The following FTL variants were observed in gnomAD, a reference collection of about 807,000 sequenced individuals.
FTL encodes the protein epididymis secretory sperm binding protein.
A neutral mutation model predicts 16.6 loss-of-function variants in FTL; 17 were observed. That is an observed-to-expected ratio of 1.02 (90% CI 0.70 to 1.53). FTL has a LOEUF of 1.53. Among genes scored for constraint, FTL ranks in the 40% most tolerant of loss-of-function variants. The pLI is 0.00. For synonymous variants in FTL, 73 were observed against 89.9 expected (o/e 0.81, Z 1.06); for missense variants, 186 against 226.1 (o/e 0.82, Z 1.14).
chr19:48,965,395 G>A lies in FTL; in HGVS notation c.-113G>A, dbSNP rs544440153. On this transcript the variant is annotated 5_prime_UTR_variant, in exon 1 of 4. Coordinates refer to ENST00000331825, the MANE Select transcript of FTL (RefSeq NM_000146.4). ...GGGGACTCTCTTCCAGCCTCCGACCGCCCTCCGATTTCCTCTCCGCTTGCA... is the reference window on the plus strand; with the variant it reads ...GGGGACTCTCTTCCAGCCTCCGACCACCCTCCGATTTCCTCTCCGCTTGCA... 5.2e-6 allele frequency: 4 copies of A among 764,788 alleles called. No homozygotes were observed. The highest frequency in any genetic ancestry group is 7.0e-6 in the Non-Finnish European group (3 of 428,894). The allele number at this position is 764,788 out of a possible 1,614,324, so 47.4% of individuals were successfully genotyped here.
At position 48,966,810 on chromosome 19, in the gene FTL, A is replaced by G; in HGVS notation, c.*75A>G. The G allele has an allele frequency of 6.7e-7, 1 of 1,484,710 alleles. No individual in the cohort carries two copies. Among genetic ancestry groups the G allele is most frequent in the Non-Finnish European group, 9.4e-7 (1 of 1,067,442 alleles). 92.0% of individuals were successfully genotyped at this position (1,484,710 alleles called of 1,614,324 possible). On this transcript the variant is annotated 3_prime_UTR_variant, in exon 4 of 4. Transcript: ENST00000331825. ...GGCTTCTGCCTAAGCCTCTCCCTCC[A>G]GCCAATAGGCAGCTTTCTTAACTAT...
Position 48,966,875 on chromosome 19 carries a change from A to G in FTL, c.*140A>G. The G allele has an allele frequency of 1.1e-6, 1 of 901,500 alleles. No individual in the cohort carries two copies. Among genetic ancestry groups the G allele is most frequent in the South Asian group, 1.4e-5 (1 of 71,636 alleles). 55.8% of individuals were successfully genotyped at this position (901,500 alleles called of 1,614,324 possible). A position where few individuals can be genotyped will look rare whatever the true frequency, so the allele number is the denominator to read the frequency against. On this transcript the variant is annotated 3_prime_UTR_variant, in exon 4 of 4. Transcript: ENST00000331825. Reference sequence around the variant, plus strand: ...GACCAAATGGAAATAAAGCTTTTTGATGCAGCTGGTGGTTTTGTGTGTGGT... The same window carrying G: ...GACCAAATGGAAATAAAGCTTTTTGGTGCAGCTGGTGGTTTTGTGTGTGGT...
Position 48,965,933 on chromosome 19 carries a change from T to C in FTL, c.249+17T>C. On this transcript the variant is annotated intron_variant, in intron 2 of 3. Transcript: ENST00000331825. ...GACATCAAGGTAACTAGTGTGTGGG[T>C]AATGGACTACATCTCCCAGCAGGCC... The C allele has an allele frequency of 3.7e-6, 6 of 1,613,636 alleles. No individual in the cohort carries two copies. The highest frequency in any genetic ancestry group is 5.1e-6 in the Non-Finnish European group (6 of 1,179,768).
rs371965152 is a variant in FTL at position 48,965,866 on chromosome 19, C to T, written c.199C>T (p.Leu67=). Residue 67 remains leucine (L), a synonymous_variant, in exon 2 of 4, where the codon CTG becomes TTG. Transcript: ENST00000331825. The part of the protein sequence containing the change: ...EEKREGYERL[L]KMQNQRGGRA... ...GAAGCGCGAGGGCTACGAGCGTCTCCTGAAGATGCAAAACCAGCGTGGCGG... is the reference window on the plus strand; with the variant it reads ...GAAGCGCGAGGGCTACGAGCGTCTCTTGAAGATGCAAAACCAGCGTGGCGG... 5.6e-6 allele frequency: 9 copies of T among 1,614,080 alleles called. No homozygotes were observed. The highest frequency in any genetic ancestry group is 2.7e-5 in the African/African-American group (2 of 74,930).
At chr19:48,966,163 C>G in intron 2 of FTL, 118 bp from the exon 3 acceptor site, 1 of 1,452,874 alleles carries the variant, frequency 6.9e-7, no homozygotes, top group East Asian at 2.3e-5. Flanking sequence ...GTGATAAATA[C>G]AAGCTGTCAC....
chr19:48,965,991 G>T, intron 2 of FTL, 75 bp downstream of exon 2: 1 of 1,552,398 alleles, frequency 6.4e-7, no homozygotes, highest in Non-Finnish European at 8.8e-7. Flanking sequence ...TGAGGGCGTA[G>T]GTGTCGCGTG....
At chr19:48,966,003 G>C (rs1277713504) in intron 2 of FTL, 87 bp downstream of exon 2, 2 of 1,519,974 alleles carry the variant, frequency 1.3e-6, no homozygotes, top group East Asian at 2.4e-5. Flanking sequence ...TGTCGCGTGG[G>C]CTTCTGGGAG....
chr19:48,966,077 C>A, intron 2 of FTL, 161 bp downstream of exon 2: 1 of 1,197,350 alleles, frequency 8.4e-7, no homozygotes, highest in South Asian at 1.3e-5. Context: ...GTGCAGTGCC[C>A]ACAACACGCG....
intron 2 of FTL, 61 bp from the exon 3 acceptor site, chr19:48,966,220 T>C (rs2038452255): frequency 1.2e-5 from 20 of 1,611,594 alleles, no homozygotes; most frequent in Non-Finnish European, 1.6e-5. Flanking sequence ...TCTTGGGAAA[T>C]GTAGGTTTAG....
Position 48,966,306 on chromosome 19 carries a change from A to G in FTL, c.275A>G (p.Lys92Arg). ...IKKPAEDEWGKTPDAMKAAMA... is the reference protein window; with the variant it reads ...IKKPAEDEWGRTPDAMKAAMA... ...AAGCCAGCTGAAGATGAGTGGGGTA[A>G]AACCCCAGACGCCATGAAAGCTGCC... The change falls in exon 3 of 4, where the codon AAA becomes AGA. Residue 92 changes from lysine to arginine, a missense_variant. Transcript: ENST00000331825. 1 of 1,614,080 alleles carries G rather than the reference A, an allele frequency of 6.2e-7. No individual in the cohort carries two copies. The highest frequency in any genetic ancestry group is 8.5e-7 in the Non-Finnish European group (1 of 1,179,980).
intron 1 of FTL, 34 bp from the exon 2 acceptor site, chr19:48,965,736 C>A: frequency 1.9e-6 from 3 of 1,614,036 alleles, no homozygotes; most frequent in South Asian, 1.1e-5. Flanking sequence ...CCTCGCCTCC[C>A]GCTAACCATT....
chr19:48,965,986 G>A (rs1021490240), intron 2 of FTL, 70 bp downstream of exon 2: 1 of 1,573,374 alleles, frequency 6.4e-7, no homozygotes, highest in Non-Finnish European at 8.7e-7. Context: ...TGATTTGAGG[G>A]CGTAGGTGTC....
At chr19:48,965,681 G>C (rs1175655946) in intron 1 of FTL, 72 bp downstream of exon 1, 4 of 1,606,970 alleles carry the variant, frequency 2.5e-6, no homozygotes, top group Non-Finnish European at 2.6e-6. Flanking sequence ...GCACGCGCCA[G>C]CCTTCTTTGT....
At chr19:48,965,988 G>A in intron 2 of FTL, 72 bp downstream of exon 2, 2 of 1,565,232 alleles carry the variant, frequency 1.3e-6, no homozygotes, top group African/African-American at 1.4e-5. Flanking sequence ...ATTTGAGGGC[G>A]TAGGTGTCGC....
chr19:48,966,432 A>G, intron 3 of FTL, 26 bp downstream of exon 3: 2 of 1,613,970 alleles, frequency 1.2e-6, no homozygotes, highest in African/African-American at 2.7e-5. Context: ...ATCCATGGCT[A>G]CCCAACCATA....
Position 48,966,569 on chromosome 19 carries a change from C to T in FTL, c.376-14C>T, listed in dbSNP as rs1306284280. On this transcript the variant is annotated splice_polypyrimidine_tract_variant and intron_variant, in intron 3 of 3. Coordinates refer to ENST00000331825, the MANE Select transcript of FTL (RefSeq NM_000146.4). Reference sequence around the variant, plus strand: ...CAGGGATTGGGTTTCTAATTTCTCCCTCTTCTCTCTCAGCTCTGTGACTTC... The same window carrying T: ...CAGGGATTGGGTTTCTAATTTCTCCTTCTTCTCTCTCAGCTCTGTGACTTC... 1.2e-6 allele frequency: 2 copies of T among 1,613,890 alleles called. No homozygotes were observed. Among genetic ancestry groups the T allele is most frequent in the South Asian group, 1.1e-5 (1 of 91,068 alleles).
In FTL at chr19:48,966,341, G is replaced by C. The variant is rs199869995; in HGVS notation, c.310G>C (p.Glu104Gln). 4.3e-6 allele frequency: 7 copies of C among 1,614,134 alleles called. No individual in the cohort carries two copies. The East Asian group carries it at 1.3e-4, about 31-fold the overall frequency. The change falls in exon 3 of 4, where the codon GAG becomes CAG. Residue 104 changes from glutamate to glutamine, a missense_variant. Transcript: ENST00000331825. ...PDAMKAAMAL[E>Q]KKLNQALLDL... ...CGCCATGAAAGCTGCCATGGCCCTG[G>C]AGAAAAAGCTGAACCAGGCCCTTTT...
chr19:48,965,319 G>A lies in FTL; in HGVS notation c.-189G>A. Reference sequence around the variant, plus strand: ...TAGCCACGTCCCCTCGCAGTTCGGCGGTCCCGCGGGTCTGTCTCTTGCTTC... The same window carrying A: ...TAGCCACGTCCCCTCGCAGTTCGGCAGTCCCGCGGGTCTGTCTCTTGCTTC... On this transcript the variant is annotated 5_prime_UTR_variant, in exon 1 of 4. Coordinates refer to ENST00000331825, the MANE Select transcript of FTL (RefSeq NM_000146.4). The A allele has an allele frequency of 3.2e-6, 2 of 621,734 alleles. No individual in the cohort carries two copies. Among genetic ancestry groups the A allele is most frequent in the Admixed American group, 4.6e-5 (2 of 43,422 alleles). The allele number at this position is 621,734 out of a possible 1,614,324, so 38.5% of individuals were successfully genotyped here. A position where few individuals can be genotyped will look rare whatever the true frequency, so the allele number is the denominator to read the frequency against.
chr19:48,966,235 A>G, intron 2 of FTL, 46 bp from the exon 3 acceptor site: 3 of 1,613,142 alleles, frequency 1.9e-6, no homozygotes, highest in Non-Finnish European at 2.5e-6. Flanking sequence ...GTTTAGTTCT[A>G]TGTGCCGAGT....
Sources: gnomAD v4.1 joint callset for allele counts on GRCh38, gnomAD v4.1.1 for gene constraint, MANE v1.5 for transcripts, NCBI Gene and HGNC (gene_info 2026-07-23, HGNC 2026-07-21) for gene names.